The following RANBP17 variants were observed in gnomAD, a reference collection of about 807,000 sequenced individuals.
RANBP17 encodes the protein ran-binding protein 17.
RANBP17 carries 158 observed loss-of-function variants against 141.2 expected under a neutral mutation model. The ratio of observed to expected loss-of-function variants is 1.12; its 90% CI spans 0.98 to 1.28. The LOEUF (loss-of-function observed/expected upper bound fraction) is 1.28, where lower values mean the gene tolerates loss of function less well. Among genes scored for constraint, RANBP17 ranks in the 50% most tolerant of loss-of-function variants. RANBP17 has a pLI of 0.00. For synonymous variants in RANBP17, 430 were observed against 450.0 expected, an observed-to-expected ratio of 0.96 and a Z score of 0.56; for missense variants, 1,438 against 1,290.7, an observed-to-expected ratio of 1.11 and a Z score of -1.75.
chr5:171,164,393 A>G (rs914550391), intron 14 of RANBP17, among the ~76,000 whole-genome samples: 2 of 152,188 alleles, frequency 1.3e-5, no homozygotes, highest in Non-Finnish European at 2.9e-5. Context: ...ACTCAAAATT[A>G]TGTTGCTATT....
chr5:170,972,797 G>A (rs891931768), intron 14 of RANBP17, among the ~76,000 whole-genome samples: 15 of 152,006 alleles, frequency 9.9e-5, no homozygotes, highest in Non-Finnish European at 2.2e-4. Flanking sequence ...TGTTATAACA[G>A]CTTATTTCCT....
intron 13 of RANBP17, among the ~76,000 whole-genome samples, chr5:170,964,866 A>G (rs1475472081): frequency 6.6e-6 from 1 of 152,184 alleles, no homozygotes; most frequent in Non-Finnish European, 1.5e-5. Context: ...ATACGTGTGC[A>G]TGTGTCTTTA....
At chr5:171,091,948 G>A (rs974717084) in intron 14 of RANBP17, among the ~76,000 whole-genome samples, 5 of 152,116 alleles carry the variant, frequency 3.3e-5, no homozygotes, top group Non-Finnish European at 7.3e-5. Flanking sequence ...ATATATGCAG[G>A]TTCCACAGGG....
intron 12 of RANBP17, among the ~76,000 whole-genome samples, chr5:170,946,093 T>G (rs1327519699): frequency 6.6e-6 from 1 of 152,136 alleles, no homozygotes; most frequent in African/African-American, 2.4e-5. Context: ...TTGCCTAGAT[T>G]TCAGTCACAG....
intron 12 of RANBP17, among the ~76,000 whole-genome samples, chr5:170,935,807 T>C (rs890748326): frequency 1.3e-5 from 2 of 152,186 alleles, no homozygotes; most frequent in Admixed American, 1.3e-4. Context: ...GGAGAACTAC[T>C]GCTCTCTTCA....
At chr5:170,913,613 T>G (rs1200735073) in intron 7 of RANBP17, among the ~76,000 whole-genome samples, 1 of 152,076 alleles carries the variant, frequency 6.6e-6, no homozygotes, top group Non-Finnish European at 1.5e-5. Context: ...GATGGGTTTT[T>G]GAGAGGATTG....
intron 18 of RANBP17, among the ~76,000 whole-genome samples, chr5:171,192,420 G>T (rs1298013137): frequency 6.6e-6 from 1 of 152,138 alleles, no homozygotes; most frequent in Non-Finnish European, 1.5e-5. Flanking sequence ...ATGTTTCATG[G>T]ATGAGACTTT....
chr5:171,288,146 G>T (rs1364300797), intron 25 of RANBP17, among the ~76,000 whole-genome samples: 1 of 152,106 alleles, frequency 6.6e-6, no homozygotes, highest in African/African-American at 2.4e-5. Flanking sequence ...GCCTGTTAAG[G>T]CTGCCATTGT....
chr5:171,158,635 T>C (rs940198651), intron 14 of RANBP17: 4 of 168,344 alleles, frequency 2.4e-5, no homozygotes, highest in African/African-American at 9.5e-5. Flanking sequence ...TTTTTTTTTT[T>C]TCTTAAGCCT....
chr5:171,164,908 T>C (rs1759575030), intron 14 of RANBP17, among the ~76,000 whole-genome samples: 1 of 152,224 alleles, frequency 6.6e-6, no homozygotes, highest in South Asian at 2.1e-4. Flanking sequence ...ATTTAAGAGT[T>C]ATGGATACAG....
chr5:171,170,024 G>T (rs984858034), intron 14 of RANBP17, 106 bp from the exon 15 acceptor site: 4 of 495,364 alleles, frequency 8.1e-6, no homozygotes, highest in African/African-American at 4.0e-5. Context: ...CCCTACTTCA[G>T]TGTGGATACC....
chr5:171,134,070 A>G (rs75818230), intron 14 of RANBP17, among the ~76,000 whole-genome samples: 3,027 of 152,336 alleles, frequency 0.02, 97 homozygotes, highest in African/African-American at 0.068. Context: ...TACTTATTGC[A>G]TAAGTCCTAA....
intron 14 of RANBP17, among the ~76,000 whole-genome samples, chr5:171,148,238 G>A (rs1056912330): frequency 3.3e-5 from 5 of 152,128 alleles, no homozygotes; most frequent in African/African-American, 1.2e-4. Flanking sequence ...AAGTAATCAG[G>A]ACACAAACAC....
At chr5:171,266,968 A>G (rs1338006682) in intron 25 of RANBP17, among the ~76,000 whole-genome samples, 1 of 151,706 alleles carries the variant, frequency 6.6e-6, no homozygotes, top group Non-Finnish European at 1.5e-5. Flanking sequence ...CATGCCAAAA[A>G]TATTTCAAAA....
intron 11 of RANBP17, among the ~76,000 whole-genome samples, chr5:170,921,842 A>G (rs1354712821): frequency 6.6e-6 from 1 of 152,154 alleles, no homozygotes; most frequent in Non-Finnish European, 1.5e-5. Flanking sequence ...CATCAAACTC[A>G]GTCTCCGTCC....
At chr5:171,127,913 C>T (rs1339068753) in intron 14 of RANBP17, among the ~76,000 whole-genome samples, 4 of 152,184 alleles carry the variant, frequency 2.6e-5, no homozygotes, top group Admixed American at 2.6e-4. Context: ...GTAATCCCAG[C>T]ACTTTGGGAG....
chr5:170,946,313 G>T (rs1291428925), intron 12 of RANBP17, among the ~76,000 whole-genome samples: 1 of 152,038 alleles, frequency 6.6e-6, no homozygotes, highest in Non-Finnish European at 1.5e-5. Context: ...TTTTCATTTT[G>T]AGAAATAATT....
chr5:171,101,011 T>C (rs530777987), intron 14 of RANBP17, among the ~76,000 whole-genome samples: 1 of 152,358 alleles, frequency 6.6e-6, no homozygotes, highest in East Asian at 1.9e-4. Flanking sequence ...AGGAGTGTTT[T>C]ACTTCCAATT....
chr5:171,162,913 A>C (rs1759449787), intron 14 of RANBP17, among the ~76,000 whole-genome samples: 1 of 152,196 alleles, frequency 6.6e-6, no homozygotes, highest in South Asian at 2.1e-4. Context: ...TAGCTTATTC[A>C]AGCAGACTGG....
Sources: gnomAD v4.1 joint callset for allele counts (sites outside exome capture counted in the v4.1 genomes callset) on GRCh38, gnomAD v4.1.1 for gene constraint, MANE v1.5 for transcripts, NCBI Gene and HGNC (gene_info 2026-07-23, HGNC 2026-07-21) for gene names.